The following MON2 variants were observed in gnomAD, a reference collection of about 807,000 sequenced individuals.
MON2 encodes the protein MON2 regulator of endosome-to-Golgi trafficking.
MON2 carries 84 observed loss-of-function variants against 208.6 expected under a neutral mutation model. The observed-to-expected ratio is 0.40, with a 90% CI of 0.34 to 0.48. MON2 has a LOEUF of 0.48. MON2 is among the 20% of genes least tolerant of loss of function. The pLI is 0.59. For missense variants in MON2, 1,611 were observed against 2,015.4 expected, an observed-to-expected ratio of 0.80 and a Z score of 3.84; for synonymous variants, 660 against 694.0, an observed-to-expected ratio of 0.95 and a Z score of 0.77.
chr12:62,561,175 G>T (rs2074184548), intron 26 of MON2, 62 bp downstream of exon 26: 1 of 1,392,034 alleles, frequency 7.2e-7, no homozygotes, highest in Non-Finnish European at 9.7e-7. Flanking sequence ...TTTTTATTTT[G>T]CTATATATTT....
chr12:62,571,590 C>T lies in MON2; in HGVS notation c.4514+8C>T. The T allele has an allele frequency of 1.3e-6, 2 of 1,590,620 alleles. No homozygotes were observed. Among genetic ancestry groups the T allele is most frequent in the Non-Finnish European group, 1.7e-6 (2 of 1,168,774 alleles). On this transcript the variant is annotated splice_region_variant and intron_variant, in intron 30 of 34. Transcript: ENST00000393630. ...TTTTCTCTTTACTAAAAGGTCAGCTCATTCATTTTTAAAATTAAGACAAGA... is the reference window on the plus strand; with the variant it reads ...TTTTCTCTTTACTAAAAGGTCAGCTTATTCATTTTTAAAATTAAGACAAGA...
rs571444330 is a variant in MON2 at position 62,538,924 on chromosome 12, T to C, written c.2364+419T>C. ...TGGAAAGTAAGGAGCTAATCATTTC[T>C]TTCTAAAGGTAATGATTCTCCTTAT... On this transcript the variant is annotated intron_variant, in intron 19 of 34. Coordinates refer to ENST00000393630, the MANE Select transcript of MON2 (RefSeq NM_015026.3). Among the ~76,000 whole-genome samples, 136 of 152,254 alleles carry C rather than the reference T, an allele frequency of 8.9e-4. 1 individual carries two copies. The highest frequency in any genetic ancestry group is 1.7e-3 in the Non-Finnish European group (113 of 67,994).
chr12:62,567,299 A>G (rs1236289969), intron 29 of MON2, among the ~76,000 whole-genome samples: 2 of 152,152 alleles, frequency 1.3e-5, no homozygotes, highest in Non-Finnish European at 2.9e-5. Flanking sequence ...GCCATCTCAT[A>G]CAAGGATTCT....
chr12:62,480,749 C>T (rs989159709), intron 1 of MON2, among the ~76,000 whole-genome samples: 3 of 152,144 alleles, frequency 2.0e-5, no homozygotes, highest in Non-Finnish European at 2.9e-5. Context: ...TTTTGGAAAC[C>T]GTTAAGGTTT....
chr12:62,512,718 T>G (rs768568899), intron 8 of MON2, among the ~76,000 whole-genome samples: 1 of 152,222 alleles, frequency 6.6e-6, no homozygotes, highest in African/African-American at 2.4e-5. Flanking sequence ...GGTGCTCCAG[T>G]AGGGACTCTG....
intron 11 of MON2, among the ~76,000 whole-genome samples, chr12:62,530,501 G>A (rs1024085214): frequency 6.6e-6 from 1 of 152,122 alleles, no homozygotes; most frequent in African/African-American, 2.4e-5. Context: ...AAAGTGCTGG[G>A]ATTACAGGCA....
At chr12:62,570,827 G>A (rs112723799) in intron 29 of MON2, among the ~76,000 whole-genome samples, 4,231 of 147,582 alleles carry the variant, frequency 0.029, 222 homozygotes, top group African/African-American at 0.1. Context: ...CTGCCTCCCG[G>A]GTTCAAGCGA....
chr12:62,474,173 C>T (rs2068944624), intron 1 of MON2, among the ~76,000 whole-genome samples: 1 of 149,680 alleles, frequency 6.7e-6, no homozygotes, highest in Admixed American at 6.7e-5. Context: ...GGCTTAAGTG[C>T]AATGGTGCGA....
intron 30 of MON2, among the ~76,000 whole-genome samples, chr12:62,576,211 G>T (rs931364408): frequency 6.6e-6 from 1 of 151,990 alleles, no homozygotes; most frequent in South Asian, 2.1e-4. Flanking sequence ...GAAGAAACTA[G>T]ACACAAAAGG....
Position 62,599,588 on chromosome 12 carries a change from A to T in MON2, c.*6839A>T, listed in dbSNP as rs757666878. 2.0e-5 allele frequency: 3 copies of T among 152,126 alleles called. No homozygotes were observed. The highest frequency in any genetic ancestry group is 4.4e-5 in the Non-Finnish European group (3 of 68,026). The allele number at this position is 152,126 out of a possible 1,614,324, so 9.4% of individuals were successfully genotyped here. On this transcript the variant is annotated 3_prime_UTR_variant, in exon 35 of 35. Coordinates refer to ENST00000393630, the MANE Select transcript of MON2 (RefSeq NM_015026.3). ...CCTATATTATTCCCTTTAATCCTCA[A>T]AGTAGCCTTGCAAAGAAGTTATTTT... is the stretch of plus-strand genomic sequence containing the variant.
intron 1 of MON2, among the ~76,000 whole-genome samples, chr12:62,479,544 G>C (rs1383550922): frequency 6.6e-6 from 1 of 151,426 alleles, no homozygotes; most frequent in Non-Finnish European, 1.5e-5. Flanking sequence ...TTTACTGAGT[G>C]AGAAATGAGG....
rs767138926 is a variant in MON2, at chr12:62,598,915, G to T, written c.*6166G>T. The T allele has an allele frequency of 1.3e-5, 2 of 152,114 alleles. No homozygotes were observed. The highest frequency in any genetic ancestry group is 2.9e-5 in the Non-Finnish European group (2 of 68,000). The allele number at this position is 152,114 out of a possible 1,614,324, so 9.4% of individuals were successfully genotyped here. The stretch of plus-strand genomic sequence containing the variant: ...TTTTAATTATGTTCCAGCAACACTA[G>T]TGTTTCTTTATAACTTAAAATCATA... On this transcript the variant is annotated 3_prime_UTR_variant, in exon 35 of 35. Coordinates refer to ENST00000393630, the MANE Select transcript of MON2 (RefSeq NM_015026.3).
chr12:62,566,599 T>C (rs2074393852), intron 29 of MON2, 149 bp downstream of exon 29: 3 of 901,922 alleles, frequency 3.3e-6, no homozygotes, highest in Non-Finnish European at 3.1e-6. Context: ...TATTCATGAA[T>C]TGTATTTAGC....
intron 23 of MON2, 110 bp downstream of exon 23, chr12:62,549,940 G>A: frequency 1.6e-6 from 1 of 617,334 alleles, no homozygotes; most frequent in Admixed American, 3.9e-5. Context: ...TGTTTATATG[G>A]CTTTTAAATT....
intron 8 of MON2, among the ~76,000 whole-genome samples, chr12:62,512,204 A>C (rs572941512): frequency 6.6e-6 from 1 of 152,074 alleles, no homozygotes; most frequent in African/African-American, 2.4e-5. Flanking sequence ...AAAACCAATC[A>C]TGCCTTCCCA....
intron 28 of MON2, 84 bp downstream of exon 28, chr12:62,566,115 G>A: frequency 6.9e-7 from 1 of 1,444,242 alleles, no homozygotes; most frequent in East Asian, 2.3e-5. Context: ...AATGCTGTAT[G>A]TGCTTTTTCC....
chr12:62,495,689 C>CAAA (rs56155110), intron 4 of MON2, among the ~76,000 whole-genome samples: 5 of 108,518 alleles, frequency 4.6e-5, no homozygotes, highest in African/African-American at 6.7e-5. Context: ...GACTCCGTCT[C>CAAA]AAAAAAAAAA....
intron 8 of MON2, among the ~76,000 whole-genome samples, chr12:62,509,340 C>T (rs2071274112): frequency 6.6e-6 from 1 of 152,094 alleles, no homozygotes; most frequent in African/African-American, 2.4e-5. Flanking sequence ...GTCTTGAACT[C>T]CTGACCTCAG....
chr12:62,583,721 G>T (rs1042739871), intron 32 of MON2, among the ~76,000 whole-genome samples: 11 of 151,912 alleles, frequency 7.2e-5, no homozygotes, highest in Admixed American at 7.2e-4. Flanking sequence ...GGCTGAGATG[G>T]GTGGATCACT....
Sources: allele counts gnomAD v4.1 joint callset (sites outside exome capture counted in the v4.1 genomes callset), GRCh38; gene constraint gnomAD v4.1.1; transcripts MANE v1.5; gene names NCBI Gene and HGNC (gene_info 2026-07-23, HGNC 2026-07-21).